The following USP10 variants were observed in gnomAD, a reference collection of about 807,000 sequenced individuals.
The protein encoded by USP10 is ubiquitin specific peptidase 10.
Under a neutral mutation model 84.5 loss-of-function variants are expected in USP10, and 22 were observed. The observed-to-expected ratio is 0.26, with a 90% CI of 0.19 to 0.37. USP10 has a LOEUF of 0.37. Ranked by LOEUF, USP10 falls within the 10% of genes least tolerant of loss-of-function variation. The probability of loss-of-function intolerance (pLI) is 1.00; values close to 1 mark genes in which losing one functional copy is unlikely to be tolerated. For synonymous variants in USP10, 454 were observed against 387.6 expected (o/e 1.17, Z -2.01); for missense variants, 1,019 against 998.9 (o/e 1.02, Z -0.27).
intron 3 of USP10, among the ~76,000 whole-genome samples, chr16:84,741,839 G>C (rs1489212594): frequency 2.0e-5 from 3 of 152,190 alleles, no homozygotes; most frequent in African/African-American, 7.2e-5. Context: ...TCATGGACCT[G>C]CCTCTCTTTC....
In USP10 at chr16:84,778,719, G is replaced by C. The variant is rs191338457; in HGVS notation, c.2210-176G>C. Among the ~76,000 whole-genome samples, 3 of 152,294 alleles carry C rather than the reference G, an allele frequency of 2.0e-5. No individual in the cohort carries two copies. In the East Asian group the frequency reaches 5.8e-4, roughly 29 times the overall value. Reference sequence around the variant, plus strand: ...TATAGAAAAGTTTTTATTATGGATTGCTTGCGTGTTTGAGTTGAAATAGCA... The same window carrying C: ...TATAGAAAAGTTTTTATTATGGATTCCTTGCGTGTTTGAGTTGAAATAGCA... On this transcript the variant is annotated intron_variant, in intron 13 of 13. Coordinates refer to ENST00000219473, the MANE Select transcript of USP10 (RefSeq NM_005153.3).
chr16:84,700,761 C>T (rs912454988), intron 1 of USP10, among the ~76,000 whole-genome samples: 33 of 152,286 alleles, frequency 2.2e-4, no homozygotes, highest in African/African-American at 7.5e-4. Flanking sequence ...CCATCCCAGC[C>T]AGGCTGACAA....
intron 1 of USP10, among the ~76,000 whole-genome samples, chr16:84,722,522 A>T (rs1907946406): frequency 6.6e-6 from 1 of 152,188 alleles, no homozygotes; most frequent in Non-Finnish European, 1.5e-5. Flanking sequence ...CCAGCAGTGT[A>T]TGAGAATGCT....
intron 1 of USP10, among the ~76,000 whole-genome samples, chr16:84,709,755 G>C (rs958955112): frequency 6.6e-5 from 10 of 152,154 alleles, no homozygotes; most frequent in African/African-American, 1.9e-4. Context: ...TGACATTTGA[G>C]CTGGAGTTTT....
chr16:84,778,225 C>G (rs1465595843), intron 13 of USP10, among the ~76,000 whole-genome samples: 1 of 151,986 alleles, frequency 6.6e-6, no homozygotes, highest in Non-Finnish European at 1.5e-5. Context: ...GCTCAAGCAA[C>G]CGTGGTTAGC....
intron 3 of USP10, among the ~76,000 whole-genome samples, chr16:84,741,000 C>T (rs376317218): frequency 2.0e-5 from 3 of 152,240 alleles, no homozygotes; most frequent in South Asian, 2.1e-4. Context: ...GCTGCCCTTG[C>T]ACAATTCAAA....
rs796568828 is a variant in USP10, at chr16:84,778,123, TTC to T, written c.2210-770_2210-769del. ...TGTGTGTGTGTGTGTGTGTGTTTTG[TTC>T]TGTTAAAACATAGAAAAATGGGTAA... On this transcript the variant is annotated intron_variant, in intron 13 of 13. Transcript: ENST00000219473. Among the ~76,000 whole-genome samples the T allele has an allele frequency of 4.3e-3, 335 of 77,152 alleles. 2 individuals are homozygous for T. Among genetic ancestry groups the T allele is most frequent in the African/African-American group, 0.014 (307 of 22,212 alleles). 50.6% of individuals were successfully genotyped at this position (77,152 alleles called of 152,430 possible).
intron 4 of USP10, among the ~76,000 whole-genome samples, chr16:84,749,860 TCTC>T (rs980145827): frequency 2.7e-4 from 41 of 152,320 alleles, no homozygotes; most frequent in Admixed American, 1.9e-3. Flanking sequence ...GGCAAGGCCA[TCTC>T]CTCGGTGTAG....
intron 1 of USP10, chr16:84,716,501 T>G (rs1453535788): frequency 3.3e-5 from 5 of 152,210 alleles, no homozygotes; most frequent in Admixed American, 3.3e-4. Context: ...AGATAACAGT[T>G]CATTCACAGA....
intron 13 of USP10, among the ~76,000 whole-genome samples, chr16:84,776,282 G>A (rs965044618): frequency 7.2e-5 from 11 of 152,080 alleles, no homozygotes; most frequent in Non-Finnish European, 1.6e-4. Context: ...AGGGCCCAGG[G>A]ATGGGGGCCC....
intron 1 of USP10, among the ~76,000 whole-genome samples, chr16:84,711,945 C>G (rs924741908): frequency 6.6e-6 from 1 of 152,048 alleles, no homozygotes; most frequent in Non-Finnish European, 1.5e-5. Context: ...GTCTTGAACT[C>G]TTGACCTGAA....
chr16:84,728,914 T>A (rs1908862031), intron 1 of USP10, among the ~76,000 whole-genome samples: 1 of 152,202 alleles, frequency 6.6e-6, no homozygotes, highest in Non-Finnish European at 1.5e-5. Flanking sequence ...TTCTTCTGCA[T>A]CAGCCTCCCA....
chr16:84,722,669 C>A (rs1339214140), intron 1 of USP10, among the ~76,000 whole-genome samples: 1 of 152,094 alleles, frequency 6.6e-6, no homozygotes. Flanking sequence ...TTAAGCAGTT[C>A]TCCTGCTAGC....
At chr16:84,711,719 CTTT>C (rs10706586) in intron 1 of USP10, among the ~76,000 whole-genome samples, 15 of 114,270 alleles carry the variant, frequency 1.3e-4, no homozygotes, top group East Asian at 2.9e-4. Context: ...GAAGGGCTAG[CTTT>C]TTTTTTTTTT....
rs182120578 is a variant in USP10, at chr16:84,711,361, C to T, written c.21+11250C>T. Among the ~76,000 whole-genome samples the T allele has an allele frequency of 2.0e-4, 31 of 152,332 alleles. No homozygotes were observed. In the East Asian group the frequency reaches 6.0e-3, roughly 29 times the overall value. ...ACCTTTGTGGACAGCATGGGATCAGCACACTCCCCCACAGCTCAGTGTAAC... is the reference window on the plus strand; with the variant it reads ...ACCTTTGTGGACAGCATGGGATCAGTACACTCCCCCACAGCTCAGTGTAAC... On this transcript the variant is annotated intron_variant, in intron 1 of 13. Coordinates refer to ENST00000219473, the MANE Select transcript of USP10 (RefSeq NM_005153.3).
chr16:84,771,258 T>C (rs1385629584), intron 11 of USP10, among the ~76,000 whole-genome samples: 4 of 152,144 alleles, frequency 2.6e-5, no homozygotes, highest in Non-Finnish European at 4.4e-5. Context: ...TTAGAATAAA[T>C]AGCTTTAAAG....
Position 84,779,121 on chromosome 16 carries a change from G to T in USP10, c.*39G>T. 6.3e-7 allele frequency: 1 copy of T among 1,580,706 alleles called. No homozygotes were observed. Among genetic ancestry groups the T allele is most frequent in the Admixed American group, 1.7e-5 (1 of 58,784 alleles). On this transcript the variant is annotated 3_prime_UTR_variant, in exon 14 of 14. Coordinates refer to ENST00000219473, the MANE Select transcript of USP10 (RefSeq NM_005153.3). ...TGTGTGTGCGCCCAGTGCCCGCTTC[G>T]TAGGACACCACCTCACACTCACTTC...
Position 84,778,920 on chromosome 16 carries a change from G to A in USP10, c.2235G>A (p.Ala745=), listed in dbSNP as rs781674201. 16 of 1,613,656 alleles carry A rather than the reference G, an allele frequency of 9.9e-6. No individual in the cohort carries two copies. Among genetic ancestry groups the A allele is most frequent in the Middle Eastern group, 1.7e-4 (1 of 6,030 alleles). The change falls in exon 14 of 14, where the codon GCG becomes GCA. Residue 745 remains alanine, a synonymous_variant. Coordinates refer to ENST00000219473, the MANE Select transcript of USP10 (RefSeq NM_005153.3). ...TGGTCTACCATCACGGCAACAGTGC[G>A]ACGGGCGGCCATTACACTACAGACG... ...FAVVYHHGNS[A]TGGHYTTDVF... is the part of the protein sequence containing the mutation.
intron 4 of USP10, among the ~76,000 whole-genome samples, chr16:84,757,976 CA>C (rs1424449191): frequency 3.3e-5 from 5 of 152,186 alleles, no homozygotes. Flanking sequence ...CATAGTGGGA[CA>C]GGGGGAGACC....
Sources: gnomAD v4.1 joint callset for allele counts (sites outside exome capture counted in the v4.1 genomes callset) on GRCh38, gnomAD v4.1.1 for gene constraint, MANE v1.5 for transcripts, NCBI Gene and HGNC (gene_info 2026-07-23, HGNC 2026-07-21) for gene names.